NSG1: variants seen among roughly 807,000 people sequenced by gnomAD.
NSG1 encodes the protein neuronal vesicle trafficking-associated protein 1.
NSG1 carries 9 observed loss-of-function variants against 19.3 expected under a neutral mutation model. The ratio of observed to expected loss-of-function variants is 0.47; its 90% CI spans 0.28 to 0.81. The LOEUF (loss-of-function observed/expected upper bound fraction) is 0.81. NSG1 is among the 40% of genes least tolerant of loss of function. The pLI, the probability that NSG1 is intolerant of heterozygous loss-of-function variation, is 0.11. For synonymous variants in NSG1, 104 were observed against 107.0 expected (o/e 0.97, Z 0.17); for missense variants, 236 against 242.4 (o/e 0.97, Z 0.18).
chr4:4,395,043 G>T (rs564431274), intron 3 of NSG1, among the ~76,000 whole-genome samples: 1 of 152,338 alleles, frequency 6.6e-6, no homozygotes, highest in East Asian at 1.9e-4. Context: ...CCACTAGCTT[G>T]CCCAGGAAGC....
chr4:4,398,387 C>T (rs907572231), intron 3 of NSG1, among the ~76,000 whole-genome samples: 3 of 152,118 alleles, frequency 2.0e-5, no homozygotes, highest in Admixed American at 6.5e-5. Flanking sequence ...AAGCTAGTTC[C>T]AGCACATTTT....
At chr4:4,388,191 C>T (rs1299923906) in intron 2 of NSG1, among the ~76,000 whole-genome samples, 1 of 152,192 alleles carries the variant, frequency 6.6e-6, no homozygotes, top group Non-Finnish European at 1.5e-5. Context: ...GGCGGGGGAG[C>T]GTTCTCCTTG....
chr4:4,416,672 G>A (rs1724563175), intron 4 of NSG1, among the ~76,000 whole-genome samples: 1 of 150,516 alleles, frequency 6.6e-6, no homozygotes, highest in Non-Finnish European at 1.5e-5. Flanking sequence ...CCCAACCCAC[G>A]GCCCCTCCCT....
In NSG1 at chr4:4,405,592, G is replaced by A. The variant is rs1490181729; in HGVS notation, c.247-3981G>A. 9.9e-5 allele frequency among the ~76,000 whole-genome samples: 15 copies of A among 152,260 alleles called. No homozygotes were observed. In the East Asian group the frequency reaches 2.5e-3, roughly 26 times the overall value. On this transcript the variant is annotated intron_variant, in intron 3 of 4. Coordinates refer to ENST00000621129, the MANE Select transcript of NSG1 (RefSeq NM_014392.5). ...TCCGAGCCAGTTTCTGGAGAGGCCC[G>A]TGGCCCTCTCTCTCCTTAGGCCATG...
At chr4:4,401,868 A>T (rs570263294) in intron 3 of NSG1, among the ~76,000 whole-genome samples, 1 of 152,084 alleles carries the variant, frequency 6.6e-6, no homozygotes, top group South Asian at 2.1e-4. Flanking sequence ...ATATAGATTC[A>T]CCAGTGTCAG....
At chr4:4,399,771 T>G (rs754081985) in intron 3 of NSG1, among the ~76,000 whole-genome samples, 2 of 152,156 alleles carry the variant, frequency 1.3e-5, no homozygotes, top group Non-Finnish European at 2.9e-5. Flanking sequence ...AGGGGATGGT[T>G]TTGGGATGAA....
chr4:4,387,811 C>T (rs571917168), intron 2 of NSG1, 53 bp downstream of exon 2: 8 of 1,486,490 alleles, frequency 5.4e-6, no homozygotes, highest in Admixed American at 1.9e-5. Flanking sequence ...CCAAATCTCG[C>T]ACGGCGGGCG....
intron 1 of NSG1, 123 bp from the exon 2 acceptor site, chr4:4,387,481 C>G (rs1722782984): frequency 3.1e-6 from 2 of 651,222 alleles, no homozygotes; most frequent in Admixed American, 3.0e-5. Context: ...GAGCCCTCCC[C>G]GAGACGAAGC....
In NSG1 at chr4:4,391,573, T is replaced by C; in HGVS notation, c.228T>C (p.Gly76=). Residue 76 remains glycine (G), a synonymous_variant, in exon 3 of 5, where the codon GGT becomes GGC. Transcript: ENST00000621129. ...IAEFTVSITE[G]VTERFKVSVL... ...AGTTCACCGTCAGCATCACGGAGGG[T>C]GTCACCGAGAGGTTTAAGGTGAGTG... The C allele has an allele frequency of 6.2e-7, 1 of 1,610,484 alleles. No individual in the cohort carries two copies. Among genetic ancestry groups the C allele is most frequent in the Non-Finnish European group, 8.5e-7 (1 of 1,178,502 alleles).
At chr4:4,410,195 C>T (rs7657707) in intron 4 of NSG1, among the ~76,000 whole-genome samples, 6,466 of 152,254 alleles carry the variant, frequency 0.042, 456 homozygotes, top group African/African-American at 0.14. Context: ...CCTCTCCTGC[C>T]TGTCCCACCG....
chr4:4,398,788 T>G (rs1481099872), intron 3 of NSG1, among the ~76,000 whole-genome samples: 1 of 152,220 alleles, frequency 6.6e-6, no homozygotes, highest in East Asian at 1.9e-4. Context: ...CTGTTGAATT[T>G]TTGGGGGTAT....
Position 4,417,303 on chromosome 4 carries a change from A to G in NSG1, c.426A>G (p.Lys142=). 6.2e-7 allele frequency: 1 copy of G among 1,614,074 alleles called. No homozygotes were observed. Among genetic ancestry groups the G allele is most frequent in the Non-Finnish European group, 8.5e-7 (1 of 1,180,020 alleles). The change falls in exon 5 of 5, where the codon AAA becomes AAG. Residue 142 remains lysine (K), a synonymous_variant. Transcript: ENST00000621129. ...AGCAAGACTCCAGTGCCCGGGAGAA[A>G]TTTTACACAGTCATAAACCACTACA... ...YAEQDSSARE[K]FYTVINHYNL... is the part of the protein sequence containing the mutation.
At chr4:4,411,104 C>T (rs1175236694) in intron 4 of NSG1, among the ~76,000 whole-genome samples, 1 of 152,182 alleles carries the variant, frequency 6.6e-6, no homozygotes, top group Non-Finnish European at 1.5e-5. Flanking sequence ...GATCCACCCA[C>T]CTCGGCCTCC....
At chr4:4,402,665 G>C (rs926937376) in intron 3 of NSG1, among the ~76,000 whole-genome samples, 1 of 152,224 alleles carries the variant, frequency 6.6e-6, no homozygotes, top group African/African-American at 2.4e-5. Flanking sequence ...TGGAATGACA[G>C]GCCTGAGCCA....
intron 3 of NSG1, among the ~76,000 whole-genome samples, chr4:4,395,450 T>C (rs1309114429): frequency 6.6e-6 from 1 of 152,208 alleles, no homozygotes; most frequent in Non-Finnish European, 1.5e-5. Flanking sequence ...TTCTCCCAGC[T>C]TTTTATTACC....
chr4:4,410,920 C>T (rs955761473), intron 4 of NSG1, among the ~76,000 whole-genome samples: 6 of 152,188 alleles, frequency 3.9e-5, no homozygotes, highest in Admixed American at 3.3e-4. Context: ...CGCAATGGTG[C>T]GTTCTTGACT....
At chr4:4,401,949 C>T (rs1345561334) in intron 3 of NSG1, among the ~76,000 whole-genome samples, 1 of 151,914 alleles carries the variant, frequency 6.6e-6, no homozygotes, top group Non-Finnish European at 1.5e-5. Context: ...GGCACCATCT[C>T]GGCTCACTTC....
intron 2 of NSG1, among the ~76,000 whole-genome samples, chr4:4,388,907 C>A (rs898026606): frequency 1.3e-5 from 2 of 152,246 alleles, no homozygotes; most frequent in Non-Finnish European, 2.9e-5. Context: ...GCCCCCCAGG[C>A]CACGGTGGTG....
At position 4,387,656 on chromosome 4, in the gene NSG1, A is replaced by G; in HGVS notation, c.27A>G (p.Ala9=). 6.2e-7 allele frequency: 1 copy of G among 1,612,950 alleles called. No homozygotes were observed. Among genetic ancestry groups the G allele is most frequent in the Non-Finnish European group, 8.5e-7 (1 of 1,179,548 alleles). MVKLGNNF[A]EKGTKQPLLE... ...TGGTGAAGTTGGGGAACAATTTCGC[A>G]GAGAAGGGCACCAAGCAGCCGCTGC... Residue 9 remains alanine (A), a synonymous_variant, in exon 2 of 5, where the codon GCA becomes GCG. Coordinates refer to ENST00000621129, the MANE Select transcript of NSG1 (RefSeq NM_014392.5).
Sources: allele counts gnomAD v4.1 joint callset (sites outside exome capture counted in the v4.1 genomes callset), GRCh38; gene constraint gnomAD v4.1.1; transcripts MANE v1.5; gene names NCBI Gene and HGNC (gene_info 2026-07-23, HGNC 2026-07-21).